Variants in CFAP20DC observed in about 807,000 individuals in gnomAD.
The protein encoded by CFAP20DC is protein CFAP20DC.
CFAP20DC carries 84 observed loss-of-function variants against 101.7 expected under a neutral mutation model. The observed-to-expected ratio is 0.83, with a 90% CI of 0.69 to 0.99. CFAP20DC has a LOEUF of 0.99. Ranked by LOEUF, CFAP20DC falls within the 50% of genes least tolerant of loss-of-function variation. CFAP20DC has a pLI of 0.00. For synonymous variants in CFAP20DC, 359 were observed against 351.2 expected, an observed-to-expected ratio of 1.02 and a Z score of -0.25; for missense variants, 1,007 against 970.3, an observed-to-expected ratio of 1.04 and a Z score of -0.50.
intron 10 of CFAP20DC, 76 bp from the exon 11 acceptor site, chr3:58,866,764 C>A (rs966183256): frequency 6.5e-6 from 6 of 925,692 alleles, no homozygotes; most frequent in South Asian, 5.1e-5. Context: ...GAATGGTTTA[C>A]TTTGGTATAC....
At chr3:58,845,602 C>G (rs573884067) in intron 13 of CFAP20DC, among the ~76,000 whole-genome samples, 1 of 152,114 alleles carries the variant, frequency 6.6e-6, no homozygotes, top group Non-Finnish European at 1.5e-5. Context: ...GAACTGGTAC[C>G]TTTCCTTCTG....
rs1013933292 is a variant in CFAP20DC, at chr3:58,999,040, G to A, written c.278+40517C>T. ...ACTGATGAGGACTGAGACACCTAGGGAAAGTTTATTAGCAGACAGACATGA... is the reference window on the plus strand; with the variant it reads ...ACTGATGAGGACTGAGACACCTAGGAAAAGTTTATTAGCAGACAGACATGA... On this transcript the variant is annotated intron_variant, in intron 4 of 16. Transcript: ENST00000482387. Among the ~76,000 whole-genome samples the A allele has an allele frequency of 5.3e-5, 8 of 152,316 alleles. No homozygotes were observed. In the East Asian group the frequency reaches 5.8e-4, roughly 11 times the overall value.
At chr3:58,746,207 T>C (rs2068191686) in intron 16 of CFAP20DC, among the ~76,000 whole-genome samples, 1 of 152,178 alleles carries the variant, frequency 6.6e-6, no homozygotes, top group Non-Finnish European at 1.5e-5. Context: ...CCAAAAATTG[T>C]GTATGTTTCC....
At chr3:58,777,551 G>A (rs2071444701) in intron 15 of CFAP20DC, among the ~76,000 whole-genome samples, 1 of 152,312 alleles carries the variant, frequency 6.6e-6, no homozygotes, top group Admixed American at 6.5e-5. Context: ...ACAAATGAAT[G>A]ATATCTATGG....
chr3:58,870,225 A>G lies in CFAP20DC; in HGVS notation c.800T>C (p.Leu267Pro), dbSNP rs1457131295. 7.4e-6 allele frequency: 12 copies of G among 1,614,090 alleles called. No individual in the cohort carries two copies. In the East Asian group the frequency reaches 2.7e-4, roughly 36 times the overall value. Residue 267 changes from leucine to proline, a missense_variant, in exon 8 of 17, where the codon CTT becomes CCT. By Grantham distance (98) the Leu-to-Pro change is moderately conservative. Coordinates refer to ENST00000482387, the MANE Select transcript of CFAP20DC (RefSeq NM_001394063.1). ...TCTGCCAGAGAGTGGAGGTGGCCCAAGAACTTTGGATCCAAATGCGATATG... is the reference window on the plus strand; with the variant it reads ...TCTGCCAGAGAGTGGAGGTGGCCCAGGAACTTTGGATCCAAATGCGATATG... ...VCHIAFGSKV[L>P]GPPPLSGRRN...
chr3:58,759,851 G>A (rs2069368218), intron 15 of CFAP20DC, among the ~76,000 whole-genome samples: 1 of 152,094 alleles, frequency 6.6e-6, no homozygotes, highest in South Asian at 2.1e-4. Flanking sequence ...TTGTAGATAT[G>A]CGGCATTATT....
chr3:59,021,663 A>C (rs557480574), intron 4 of CFAP20DC, among the ~76,000 whole-genome samples: 1 of 152,214 alleles, frequency 6.6e-6, no homozygotes, highest in Admixed American at 6.5e-5. Flanking sequence ...TCACACAATG[A>C]TGAGATAGAG....
chr3:58,951,694 G>A (rs1306243521), intron 4 of CFAP20DC, among the ~76,000 whole-genome samples: 1 of 152,016 alleles, frequency 6.6e-6, no homozygotes, highest in Non-Finnish European at 1.5e-5. Flanking sequence ...ACTCATAGGT[G>A]GGAATTGAAC....
chr3:58,886,262 G>A (rs1387417581), intron 6 of CFAP20DC, among the ~76,000 whole-genome samples: 7 of 152,082 alleles, frequency 4.6e-5, no homozygotes, highest in African/African-American at 1.4e-4. Flanking sequence ...TCCAGCACTT[G>A]AGGAGTGTTA....
chr3:58,892,417 C>T lies in CFAP20DC; in HGVS notation c.551-7708G>A, dbSNP rs756288378. On this transcript the variant is annotated intron_variant, in intron 6 of 16. Coordinates refer to ENST00000482387, the MANE Select transcript of CFAP20DC (RefSeq NM_001394063.1). The surrounding 1 kb of genome is among the most constrained non-coding windows in gnomAD (Gnocchi z 4.0). ...GGAATAGCACTGAATCTATAAATTA[C>T]TTTGAGCAGTATGGCCATTTTCATG... Among the ~76,000 whole-genome samples, 4 of 152,166 alleles carry T rather than the reference C, an allele frequency of 2.6e-5. No individual in the cohort carries two copies. The highest frequency in any genetic ancestry group is 4.4e-5 in the Non-Finnish European group (3 of 68,028).
At chr3:58,784,274 C>G (rs915170559) in intron 15 of CFAP20DC, among the ~76,000 whole-genome samples, 4 of 151,936 alleles carry the variant, frequency 2.6e-5, no homozygotes, top group Non-Finnish European at 5.9e-5. Context: ...TTTTTTATGG[C>G]TGCACAGTAC....
intron 13 of CFAP20DC, among the ~76,000 whole-genome samples, chr3:58,847,552 C>A (rs1054255124): frequency 2.0e-5 from 3 of 152,048 alleles, no homozygotes; most frequent in Non-Finnish European, 4.4e-5. Context: ...AATAGGAACA[C>A]TTTTACACTG....
intron 15 of CFAP20DC, among the ~76,000 whole-genome samples, chr3:58,763,085 G>C (rs1271334853): frequency 6.6e-6 from 1 of 152,116 alleles, no homozygotes; most frequent in Admixed American, 6.5e-5. Flanking sequence ...ATGTTGGCCT[G>C]CCTTGCTAGA....
chr3:59,020,183 A>C (rs1219610246), intron 4 of CFAP20DC, among the ~76,000 whole-genome samples: 3 of 152,028 alleles, frequency 2.0e-5, no homozygotes, highest in African/African-American at 7.2e-5. Flanking sequence ...GTTTTAAATC[A>C]CTCAGTGTTA....
chr3:58,968,367 G>A (rs998419823), intron 4 of CFAP20DC, among the ~76,000 whole-genome samples: 2 of 152,124 alleles, frequency 1.3e-5, no homozygotes, highest in African/African-American at 4.8e-5. Context: ...AACCTTGCCA[G>A]CATGTTACTT....
At chr3:58,798,822 C>CAAAAA (rs1033916860) in intron 15 of CFAP20DC, among the ~76,000 whole-genome samples, 2 of 152,156 alleles carry the variant, frequency 1.3e-5, no homozygotes, top group African/African-American at 2.4e-5. Context: ...CCTCCACCAG[C>CAAAAA]AAAAAGATTA....
intron 4 of CFAP20DC, among the ~76,000 whole-genome samples, chr3:58,981,781 C>G (rs2092557889): frequency 1.3e-5 from 2 of 152,134 alleles, no homozygotes; most frequent in African/African-American, 4.8e-5. Context: ...CAATACCATT[C>G]AGGACATAGG....
intron 4 of CFAP20DC, among the ~76,000 whole-genome samples, chr3:59,011,792 G>T (rs552278894): frequency 2.6e-5 from 4 of 152,256 alleles, no homozygotes; most frequent in Admixed American, 2.6e-4. Flanking sequence ...AGTAAAAGCA[G>T]ATGCAGATAT....
chr3:59,042,296 G>T (rs567478537), intron 3 of CFAP20DC, among the ~76,000 whole-genome samples: 1 of 152,154 alleles, frequency 6.6e-6, no homozygotes, highest in Admixed American at 6.5e-5. Flanking sequence ...AGCAGGAGAC[G>T]GGTTTGGCAA....
Sources: gnomAD v4.1 joint callset for allele counts (sites outside exome capture counted in the v4.1 genomes callset) on GRCh38, gnomAD v4.1.1 for gene constraint, Gnocchi (gnomAD v3.1) non-coding constraint, MANE v1.5 for transcripts, NCBI Gene and HGNC (gene_info 2026-07-23, HGNC 2026-07-21) for gene names.